NUP160: variants seen among roughly 807,000 people sequenced by gnomAD.
The protein encoded by NUP160 is nuclear pore complex protein Nup160.
In NUP160, 94 loss-of-function variants were observed where a neutral mutation model predicts 196.9. That is an observed-to-expected ratio of 0.48 (90% CI 0.40 to 0.57). The LOEUF (loss-of-function observed/expected upper bound fraction) is 0.57, where lower values mean the gene tolerates loss of function less well. Ranked by LOEUF, NUP160 falls within the 20% of genes least tolerant of loss-of-function variation. The probability of loss-of-function intolerance (pLI) is 0.00; values close to 1 mark genes in which losing one functional copy is unlikely to be tolerated. For missense variants in NUP160, 1,638 were observed against 1,748.3 expected (o/e 0.94, Z 1.13); for synonymous variants, 605 against 619.7 (o/e 0.98, Z 0.35).
chr11:47,782,510 C>CTT (rs1251587299), intron 34 of NUP160, among the ~76,000 whole-genome samples: 1 of 150,788 alleles, frequency 6.6e-6, no homozygotes, highest in African/African-American at 2.4e-5. Context: ...GCTCAGGACA[C>CTT]TTAACGTTAA....
At chr11:47,797,827 A>C (rs1295236815) in exon 27 of NUP160, 87 of 1,613,214 alleles carry the variant, frequency 5.4e-5, no homozygotes, top group Non-Finnish European at 7.2e-5. Context: ...AGAAGTTCAT[A>C]GTAATTGTGA....
At chr11:47,818,937 C>T (rs1483410178) in intron 10 of NUP160, among the ~76,000 whole-genome samples, 1 of 152,096 alleles carries the variant, frequency 6.6e-6, no homozygotes, top group Non-Finnish European at 1.5e-5. Flanking sequence ...TTTCAGATCC[C>T]AAGCCCATAA....
chr11:47,804,483 G>T (rs1254845371), intron 21 of NUP160, 66 bp downstream of exon 21: 4 of 1,083,084 alleles, frequency 3.7e-6, no homozygotes, highest in African/African-American at 1.6e-5. Flanking sequence ...CATTTACAAA[G>T]AAAAAAATTC....
intron 2 of NUP160, among the ~76,000 whole-genome samples, chr11:47,844,508 T>A (rs1363419831): frequency 6.6e-6 from 1 of 152,190 alleles, no homozygotes; most frequent in East Asian, 1.9e-4. Context: ...GGCTCCTGTT[T>A]CAGGGTTCTT....
chr11:47,779,691 T>A, intron 35 of NUP160: 1 of 455,432 alleles, frequency 2.2e-6, no homozygotes, highest in South Asian at 1.7e-5. Flanking sequence ...TATGCCAACT[T>A]CCCTCAGGAC....
chr11:47,816,851 C>T (rs183554164), intron 11 of NUP160, among the ~76,000 whole-genome samples: 28 of 152,070 alleles, frequency 1.8e-4, no homozygotes, highest in African/African-American at 6.0e-4. Context: ...TGCCATGTTA[C>T]CCAGGCTGGT....
At chr11:47,824,012 T>TGC (rs1851914252) in intron 7 of NUP160, among the ~76,000 whole-genome samples, 12 of 21,400 alleles carry the variant, frequency 5.6e-4, no homozygotes, top group African/African-American at 2.2e-3. Flanking sequence ...CTTTTGCATA[T>TGC]ATATATATAT....
chr11:47,807,444 T>A (rs1024386162), intron 18 of NUP160, among the ~76,000 whole-genome samples: 3 of 152,012 alleles, frequency 2.0e-5, no homozygotes, highest in African/African-American at 7.3e-5. Flanking sequence ...GGCGGGTGGA[T>A]CACCTGAGGT....
intron 6 of NUP160, 65 bp downstream of exon 6, chr11:47,836,822 T>G: frequency 1.0e-6 from 1 of 995,170 alleles, no homozygotes; most frequent in Non-Finnish European, 1.6e-6. Context: ...ACAGCAAAAT[T>G]TACTTCAATT....
At chr11:47,788,385 A>G in intron 30 of NUP160, 80 bp from the exon 31 acceptor site, 1 of 1,579,738 alleles carries the variant, frequency 6.3e-7, no homozygotes, top group East Asian at 2.2e-5. Flanking sequence ...GTTGATGAGT[A>G]TCTCTGAGTA....
At chr11:47,779,568 T>A (rs1400315491) in intron 35 of NUP160, 1 of 519,828 alleles carries the variant, frequency 1.9e-6, no homozygotes, top group East Asian at 5.4e-5. Context: ...GGAGGCACTC[T>A]ATCTCACTGG....
chr11:47,829,527 A>G (rs889638343), intron 7 of NUP160, among the ~76,000 whole-genome samples: 1 of 152,120 alleles, frequency 6.6e-6, no homozygotes, highest in Non-Finnish European at 1.5e-5. Context: ...GGCTGGTCTC[A>G]AATACCTGGC....
At position 47,797,896 on chromosome 11, in the gene NUP160, G is replaced by A. The variant is rs193180952; in HGVS notation, c.3184-12C>T. ...ATTATTCCCACAACCTAGGGAAGGG[G>A]AAGCAATCAGATAACTAAGTCAGTA... is the stretch of plus-strand genomic sequence containing the variant. On this transcript the variant is annotated splice_polypyrimidine_tract_variant and intron_variant, in intron 26 of 35. Transcript: ENST00000378460. 4 of 1,596,238 alleles carry A rather than the reference G, an allele frequency of 2.5e-6. No homozygotes were observed. In the Admixed American group the frequency reaches 6.7e-5, roughly 27 times the overall value.
At chr11:47,798,047 C>T (rs775103801) in exon 26 of NUP160, 2 of 1,579,856 alleles carry the variant, frequency 1.3e-6, no homozygotes, top group Non-Finnish European at 1.7e-6. Context: ...AAAGAACTAC[C>T]ACCAACTGCC....
At chr11:47,817,282 C>T (rs1262220921) in intron 11 of NUP160, among the ~76,000 whole-genome samples, 1 of 151,814 alleles carries the variant, frequency 6.6e-6, no homozygotes, top group Non-Finnish European at 1.5e-5. Flanking sequence ...CTACCGTTGG[C>T]CAAAGAATCC....
chr11:47,795,685 G>A (rs1393748410), intron 27 of NUP160, among the ~76,000 whole-genome samples: 2 of 152,064 alleles, frequency 1.3e-5, no homozygotes, highest in Non-Finnish European at 2.9e-5. Flanking sequence ...GATAATGTAA[G>A]TCCAAATTAA....
chr11:47,812,735 T>C (rs1447001251), intron 15 of NUP160, 147 bp downstream of exon 15: 1 of 632,014 alleles, frequency 1.6e-6, no homozygotes, highest in African/African-American at 1.8e-5. Flanking sequence ...CTGTTAAAAG[T>C]AGAAATATGT....
intron 11 of NUP160, among the ~76,000 whole-genome samples, chr11:47,817,479 T>C (rs1054333011): frequency 2.6e-5 from 4 of 151,990 alleles, no homozygotes; most frequent in Non-Finnish European, 5.9e-5. Context: ...CCCGAGTAGC[T>C]GGGACTATAG....
At chr11:47,837,937 C>G (rs1852207875) in intron 4 of NUP160, among the ~76,000 whole-genome samples, 1 of 152,206 alleles carries the variant, frequency 6.6e-6, no homozygotes, top group African/African-American at 2.4e-5. Context: ...GTGCCAGGCA[C>G]AGTTCTAGAT....
Sources: allele counts gnomAD v4.1 joint callset (sites outside exome capture counted in the v4.1 genomes callset), GRCh38; gene constraint gnomAD v4.1.1; transcripts MANE v1.5; gene names NCBI Gene and HGNC (gene_info 2026-07-23, HGNC 2026-07-21).